IL1RAPL1: variants seen among roughly 807,000 people sequenced by gnomAD.
The protein encoded by IL1RAPL1 is interleukin-1 receptor accessory protein-like 1.
In IL1RAPL1, 3 loss-of-function variants were observed where a neutral mutation model predicts 48.4. The ratio of observed to expected loss-of-function variants is 0.06; its 90% CI spans 0.03 to 0.16. IL1RAPL1 has a LOEUF of 0.16. IL1RAPL1 is among the 10% of genes least tolerant of loss of function. The pLI is 1.00. For missense variants in IL1RAPL1, 349 were observed against 530.6 expected, an observed-to-expected ratio of 0.66 and a Z score of 3.36; for synonymous variants, 185 against 187.7, an observed-to-expected ratio of 0.99 and a Z score of 0.12.
intron 6 of IL1RAPL1, among the ~76,000 whole-genome samples, chrX:29,906,644 A>G: frequency 9.6e-6 from 1 of 104,446 alleles, no homozygotes; most frequent in Admixed American, 1.1e-4. Flanking sequence ...CCTCTTCTCC[A>G]GCCTCCCTGT....
chrX:28,903,621 C>T (rs1490741420), intron 2 of IL1RAPL1, among the ~76,000 whole-genome samples: 4 of 109,844 alleles, frequency 3.6e-5, no homozygotes, highest in African/African-American at 1.3e-4. Flanking sequence ...ATTTCTTTTC[C>T]TCCTCCTAAA....
At chrX:28,946,500 A>G (rs925150360) in intron 2 of IL1RAPL1, among the ~76,000 whole-genome samples, 1 of 111,213 alleles carries the variant, frequency 9.0e-6, no homozygotes, top group African/African-American at 3.3e-5. Context: ...ATATTGTGAG[A>G]TAACTTATAC....
chrX:28,790,864 AAG>A (rs1210427002), intron 2 of IL1RAPL1, among the ~76,000 whole-genome samples: 3 of 111,448 alleles, frequency 2.7e-5, no homozygotes, highest in Admixed American at 9.5e-5. Context: ...AGTAGGTAGA[AAG>A]AGGGGTAAAT....
chrX:29,102,236 T>G (rs1479599151), intron 2 of IL1RAPL1, among the ~76,000 whole-genome samples: 1 of 111,248 alleles, frequency 9.0e-6, no homozygotes, highest in African/African-American at 3.3e-5. Context: ...ATAGAAAAAA[T>G]TGAAAGCCTT....
chrX:29,545,748 T>C (rs1921607442), intron 5 of IL1RAPL1, among the ~76,000 whole-genome samples: 1 of 112,248 alleles, frequency 8.9e-6, no homozygotes, highest in African/African-American at 3.2e-5. Flanking sequence ...AGCATTTTTG[T>C]AGTTTCCATT....
chrX:29,789,080 C>G (rs755394051), intron 6 of IL1RAPL1, among the ~76,000 whole-genome samples: 2 of 112,042 alleles, frequency 1.8e-5, no homozygotes, highest in Non-Finnish European at 3.8e-5. Context: ...GGCACTGAAT[C>G]TGGAACACAA....
At chrX:28,874,855 C>G (rs761760220) in intron 2 of IL1RAPL1, among the ~76,000 whole-genome samples, 1 of 111,916 alleles carries the variant, frequency 8.9e-6, no homozygotes, top group Non-Finnish European at 1.9e-5. Context: ...GGGAAGAATT[C>G]AGAACAGTAA....
chrX:29,834,074 C>CTT (rs1332408776), intron 6 of IL1RAPL1, among the ~76,000 whole-genome samples: 2 of 111,999 alleles, frequency 1.8e-5, no homozygotes, highest in Non-Finnish European at 3.8e-5. Context: ...ATAGAAAAAT[C>CTT]TTTATTTCAG....
Position 29,283,131 on chromosome X carries a change from C to T in IL1RAPL1, c.276C>T (p.Asp92=), listed in dbSNP as rs771532815. ...ACTTTGAAGAGCCAATAGCCTTTGA[C>T]GGAAGTAGAATGAGCAAAGAAGAAG... is the stretch of plus-strand genomic sequence containing the variant. The part of the protein sequence containing the change: ...PGDFEEPIAF[D]GSRMSKEEDS... The change falls in exon 3 of 11, where the codon GAC becomes GAT. Residue 92 remains aspartate (D), a synonymous_variant. Transcript: ENST00000378993. 14 of 1,209,540 alleles carry T rather than the reference C, an allele frequency of 1.2e-5. No homozygotes were observed. Among genetic ancestry groups the T allele is most frequent in the East Asian group, 3.0e-5 (1 of 33,744 alleles).
chrX:29,837,193 G>A (rs1251734792), intron 6 of IL1RAPL1, among the ~76,000 whole-genome samples: 1 of 101,689 alleles, frequency 9.8e-6, no homozygotes, highest in Non-Finnish European at 2.0e-5. Context: ...AACCCGGGAT[G>A]GGGAGCTTGC....
chrX:28,682,306 GT>G (rs902319310), intron 1 of IL1RAPL1, among the ~76,000 whole-genome samples: 1 of 109,498 alleles, frequency 9.1e-6, no homozygotes, highest in Non-Finnish European at 1.9e-5. Context: ...GTTTTTGTTT[GT>G]TTTTTTGTTT....
intron 6 of IL1RAPL1, among the ~76,000 whole-genome samples, chrX:29,720,656 A>G (rs751042469): frequency 9.0e-6 from 1 of 110,746 alleles, no homozygotes; most frequent in Non-Finnish European, 1.9e-5. Context: ...TAATGTAGAT[A>G]ACGGGTTGAT....
intron 2 of IL1RAPL1, among the ~76,000 whole-genome samples, chrX:29,240,519 G>C (rs1931404992): frequency 9.1e-6 from 1 of 109,319 alleles, no homozygotes; most frequent in African/African-American, 3.4e-5. Context: ...ACAGGCGTGA[G>C]CCACCTCGCC....
intron 2 of IL1RAPL1, among the ~76,000 whole-genome samples, chrX:28,812,778 T>C (rs1936807366): frequency 9.0e-6 from 1 of 111,050 alleles, no homozygotes. Flanking sequence ...AGGGTAATAC[T>C]ATACATATAG....
At chrX:29,465,382 G>A (rs1284956037) in intron 5 of IL1RAPL1, among the ~76,000 whole-genome samples, 1 of 111,784 alleles carries the variant, frequency 8.9e-6, no homozygotes, top group East Asian at 2.8e-4. Flanking sequence ...CTCCAGCCTG[G>A]GTAACAGGGT....
At chrX:29,688,740 CT>C (rs1569146518) in intron 6 of IL1RAPL1, among the ~76,000 whole-genome samples, 1 of 107,421 alleles carries the variant, frequency 9.3e-6, no homozygotes, top group African/African-American at 3.4e-5. Context: ...CTCTCTCTCT[CT>C]CTCTCTCTCT....
chrX:28,858,708 C>T (rs1329912473), intron 2 of IL1RAPL1, among the ~76,000 whole-genome samples: 1 of 112,490 alleles, frequency 8.9e-6, no homozygotes, highest in Non-Finnish European at 1.9e-5. Flanking sequence ...AAAATTTGCG[C>T]AACTCGCGTT....
intron 1 of IL1RAPL1, among the ~76,000 whole-genome samples, chrX:28,620,827 T>C (rs1321135057): frequency 1.8e-5 from 2 of 112,083 alleles, no homozygotes; most frequent in African/African-American, 6.5e-5. Context: ...TCAACTTCAT[T>C]TACCTTTTGC....
At chrX:29,705,579 TC>T (rs1254821880) in intron 6 of IL1RAPL1, among the ~76,000 whole-genome samples, 1 of 112,254 alleles carries the variant, frequency 8.9e-6, no homozygotes, top group East Asian at 2.8e-4. Flanking sequence ...ATTTTCATAA[TC>T]CCATTTTACA....
Sources: gnomAD v4.1 joint callset for allele counts (sites outside exome capture counted in the v4.1 genomes callset) on GRCh38, gnomAD v4.1.1 for gene constraint, MANE v1.5 for transcripts, NCBI Gene and HGNC (gene_info 2026-07-23, HGNC 2026-07-21) for gene names.